KIAA1614: variants seen among roughly 807,000 people sequenced by gnomAD.
The protein encoded by KIAA1614 is KIAA1614, also known as uncharacterized protein KIAA1614.
A neutral mutation model predicts 88.7 loss-of-function variants in KIAA1614; 76 were observed. That is an observed-to-expected ratio of 0.86 (90% CI 0.71 to 1.04). The LOEUF (loss-of-function observed/expected upper bound fraction) is 1.04, where lower values mean the gene tolerates loss of function less well. Ranked by LOEUF, KIAA1614 falls within the 50% of genes least tolerant of loss-of-function variation. The probability of loss-of-function intolerance (pLI) is 0.00; values close to 1 mark genes in which losing one functional copy is unlikely to be tolerated. For synonymous variants in KIAA1614, 714 were observed against 675.5 expected (o/e 1.06, Z -0.88); for missense variants, 1,553 against 1,582.5 (o/e 0.98, Z 0.32).
rs1354316650 is a variant in KIAA1614 at position 180,947,132 on chromosome 1, G to C, written c.*1544G>C. 1.3e-5 allele frequency: 2 copies of C among 152,338 alleles called. No homozygotes were observed. Among genetic ancestry groups the C allele is most frequent in the African/African-American group, 4.8e-5 (2 of 41,466 alleles). The allele number at this position is 152,338 out of a possible 1,614,324, so 9.4% of individuals were successfully genotyped here. On this transcript the variant is annotated 3_prime_UTR_variant, in exon 9 of 9. Transcript: ENST00000367588. ...GTGTCTGGGGAAGAGCATTCCGGCA[G>C]ACTGAACAGCAAGTGCGGAGCCCTG...
At chr1:180,925,810 A>T (rs11581837) in intron 3 of KIAA1614, among the ~76,000 whole-genome samples, 37,305 of 152,118 alleles carry the variant, frequency 0.25, 5,111 homozygotes, top group South Asian at 0.42. Context: ...CCCAACAATG[A>T]GCTCTTTATA....
At chr1:180,928,325 CT>C in intron 3 of KIAA1614, 104 bp from the exon 4 acceptor site, 1 of 1,303,374 alleles carries the variant, frequency 7.7e-7, no homozygotes. Context: ...ACATGCAGGG[CT>C]TTTTCTGGCA....
chr1:180,927,318 C>T (rs1654089861), intron 3 of KIAA1614, among the ~76,000 whole-genome samples: 1 of 152,172 alleles, frequency 6.6e-6, no homozygotes, highest in South Asian at 2.1e-4. Context: ...GATGAAGTTA[C>T]CCCAAAGAGC....
At chr1:180,942,662 G>C (rs1654495302) in intron 7 of KIAA1614, among the ~76,000 whole-genome samples, 1 of 152,206 alleles carries the variant, frequency 6.6e-6, no homozygotes, top group Non-Finnish European at 1.5e-5. Flanking sequence ...CTGTTCTTAT[G>C]AAGTTAGGTT....
chr1:180,925,731 C>G (rs1190669702), intron 3 of KIAA1614, among the ~76,000 whole-genome samples: 1 of 152,222 alleles, frequency 6.6e-6, no homozygotes, highest in African/African-American at 2.4e-5. Context: ...CCTTGTGAAC[C>G]AGTCGAGGAC....
rs1176992127 is a variant in KIAA1614 at position 180,936,202 on chromosome 1, CAG to C, written c.2294_2295del (p.Gln765ArgfsTer39). The C allele has an allele frequency of 6.2e-7, 1 of 1,614,176 alleles. No individual in the cohort carries two copies. Among genetic ancestry groups the C allele is most frequent in the Non-Finnish European group, 8.5e-7 (1 of 1,180,016 alleles). ...PESSGPGGQAQVTESHESLEI... is the reference protein window; with the variant it reads ...PESSGPGGQAXVTESHESLEI... ...ATCATCGGGGCCAGGAGGCCAGGCC[CAG>C]GTTACAGAAAGCCACGAGTCCCTGG... On this transcript the variant is annotated frameshift_variant, in exon 5 of 9. Transcript: ENST00000367588. LOFTEE classifies it high-confidence loss of function.
chr1:180,917,283 C>T (rs916590402), intron 2 of KIAA1614, among the ~76,000 whole-genome samples, 183 bp downstream of exon 2: 1 of 152,226 alleles, frequency 6.6e-6, no homozygotes, highest in Admixed American at 6.5e-5. Flanking sequence ...TTCTTTGCAG[C>T]CTCACAGGCA....
At chr1:180,942,661 T>C (rs1427206461) in intron 7 of KIAA1614, among the ~76,000 whole-genome samples, 2 of 152,202 alleles carry the variant, frequency 1.3e-5, no homozygotes, top group Non-Finnish European at 2.9e-5. Flanking sequence ...ACTGTTCTTA[T>C]GAAGTTAGGT....
Position 180,935,706 on chromosome 1 carries a change from C to A in KIAA1614, c.1797C>A (p.Ile599=), listed in dbSNP as rs766197445. 6.2e-7 allele frequency: 1 copy of A among 1,613,706 alleles called. No individual in the cohort carries two copies. Among genetic ancestry groups the A allele is most frequent in the Non-Finnish European group, 8.5e-7 (1 of 1,179,940 alleles). ...TGGAATGGATCCGGGAAACACACATCGGAGACACCGTGTGCCCTGCGGAGG... is the reference window on the plus strand; with the variant it reads ...TGGAATGGATCCGGGAAACACACATAGGAGACACCGTGTGCCCTGCGGAGG... ...LHMEWIRETH[I]GDTVCPAEVD... is the part of the protein sequence containing the mutation. The change falls in exon 5 of 9, where the codon ATC becomes ATA. Residue 599 remains isoleucine (I), a synonymous_variant. Coordinates refer to ENST00000367588, the MANE Select transcript of KIAA1614 (RefSeq NM_020950.2). This position sits in a 1 kb window ranked among gnomAD's most constrained non-coding sequence, Gnocchi z 6.1.
intron 5 of KIAA1614, among the ~76,000 whole-genome samples, chr1:180,937,961 C>T (rs937585107): frequency 6.6e-6 from 1 of 152,172 alleles, no homozygotes; most frequent in Non-Finnish European, 1.5e-5. Context: ...GTGAGGCCCT[C>T]GGCGAGTCCC....
intron 8 of KIAA1614, 192 bp from the exon 9 acceptor site, chr1:180,945,111 G>A (rs968190772): frequency 3.5e-6 from 2 of 577,292 alleles, no homozygotes; most frequent in Non-Finnish European, 5.7e-6. Context: ...GCCTTGGGGG[G>A]CCTTGCACAG....
In KIAA1614 at chr1:180,935,837, G is replaced by A; in HGVS notation, c.1928G>A (p.Ser643Asn). Residue 643 changes from serine (S) to asparagine (N), a missense_variant, in exon 5 of 9, where the codon AGC (serine) becomes AAC (asparagine). Coordinates refer to ENST00000367588, the MANE Select transcript of KIAA1614 (RefSeq NM_020950.2). This position sits in a 1 kb window ranked among gnomAD's most constrained non-coding sequence, Gnocchi z 6.1. ...AGWACGRTQGSSPRLRLRGSR... is the reference protein window; with the variant it reads ...AGWACGRTQGNSPRLRLRGSR... ...TGGGCGTGTGGGCGGACCCAAGGCA[G>A]CAGCCCGCGACTGCGACTGCGGGGC... 6.2e-7 allele frequency: 1 copy of A among 1,613,588 alleles called. No homozygotes were observed. Among genetic ancestry groups the A allele is most frequent in the Non-Finnish European group, 8.5e-7 (1 of 1,179,886 alleles).
chr1:180,950,382 T>G lies in KIAA1614; in HGVS notation c.*4794T>G. ...ATGGCTGACATGAGCATGGCCAAGC[T>G]GTACTCAGGGCTGCTGGGGGTGGGC... is the stretch of plus-strand genomic sequence containing the variant. On this transcript the variant is annotated 3_prime_UTR_variant, in exon 9 of 9. Transcript: ENST00000367588. 8.1e-7 allele frequency: 1 copy of G among 1,237,998 alleles called. No homozygotes were observed. The allele number at this position is 1,237,998 out of a possible 1,614,324, so 76.7% of individuals were successfully genotyped here. A position where few individuals can be genotyped will look rare whatever the true frequency, so the allele number is the denominator to read the frequency against.
At position 180,951,121 on chromosome 1, in the gene KIAA1614, G is replaced by A. The variant is rs191635988; in HGVS notation, c.*5533G>A. 34 of 152,314 alleles carry A rather than the reference G, an allele frequency of 2.2e-4. No individual in the cohort carries two copies. Among genetic ancestry groups the A allele is most frequent in the Non-Finnish European group, 2.5e-4 (17 of 68,030 alleles). 9.4% of individuals were successfully genotyped at this position (152,314 alleles called of 1,614,324 possible). On this transcript the variant is annotated 3_prime_UTR_variant, in exon 9 of 9. Coordinates refer to ENST00000367588, the MANE Select transcript of KIAA1614 (RefSeq NM_020950.2). ...TCTGGCAGGAGTTTTATGCCCCTTC[G>A]GGGTGTGGGAATTCTGGGAGATGTT... is the stretch of plus-strand genomic sequence containing the variant.
intron 4 of KIAA1614, among the ~76,000 whole-genome samples, chr1:180,931,771 T>A (rs150931320): frequency 1.8e-3 from 275 of 152,312 alleles, no homozygotes; most frequent in Admixed American, 4.2e-3. Context: ...GGCTCCCTTG[T>A]TAGATTAGGA....
At chr1:180,914,162 G>A (rs1014302961) in intron 1 of KIAA1614, 6 of 151,782 alleles carry the variant, frequency 4.0e-5, no homozygotes, top group African/African-American at 1.5e-4. Context: ...TTCAAGGGGG[G>A]GGGGACATCT....
intron 3 of KIAA1614, among the ~76,000 whole-genome samples, chr1:180,925,114 C>A (rs1024844372): frequency 6.6e-6 from 1 of 152,000 alleles, no homozygotes; most frequent in Non-Finnish European, 1.5e-5. Context: ...CCCCAAGCCA[C>A]ACACTTCCCC....
chr1:180,913,510 A>G (rs1307114682), intron 1 of KIAA1614, among the ~76,000 whole-genome samples: 1 of 152,174 alleles, frequency 6.6e-6, no homozygotes, highest in Admixed American at 6.5e-5. Context: ...CCATAGAACC[A>G]GGCAGCTCCG....
rs1048648801 is a variant in KIAA1614, at chr1:180,948,335, G to C, written c.*2747G>C. 6.6e-6 allele frequency: 1 copy of C among 152,234 alleles called. No homozygotes were observed. The highest frequency in any genetic ancestry group is 1.5e-5 in the Non-Finnish European group (1 of 68,048). The allele number at this position is 152,234 out of a possible 1,614,324, so 9.4% of individuals were successfully genotyped here. A position where few individuals can be genotyped will look rare whatever the true frequency, so the allele number is the denominator to read the frequency against. On this transcript the variant is annotated 3_prime_UTR_variant, in exon 9 of 9. Transcript: ENST00000367588. ...TATTAACTTGCTGGCTTTCACATCCGACTCTATATGAGCCTGTGAGAACAG... is the reference window on the plus strand; with the variant it reads ...TATTAACTTGCTGGCTTTCACATCCCACTCTATATGAGCCTGTGAGAACAG...
Sources: allele counts gnomAD v4.1 joint callset (sites outside exome capture counted in the v4.1 genomes callset), GRCh38; gene constraint gnomAD v4.1.1; non-coding constraint Gnocchi (gnomAD v3.1); transcripts MANE v1.5; gene names NCBI Gene and HGNC (gene_info 2026-07-23, HGNC 2026-07-21).